GRIK1: variants seen among roughly 807,000 people sequenced by gnomAD.
The protein encoded by GRIK1 is glutamate ionotropic receptor kainate type subunit 1, also known as glutamate receptor ionotropic, kainate 1.
In GRIK1, 69 loss-of-function variants were observed where a neutral mutation model predicts 105.7. That is an observed-to-expected ratio of 0.65 (90% confidence interval 0.54 to 0.80). The LOEUF (loss-of-function observed/expected upper bound fraction) is 0.80. Among genes scored for constraint, GRIK1 ranks in the 30% least tolerant of loss-of-function variants. The probability of loss-of-function intolerance (pLI) is 0.00; values close to 1 mark genes in which losing one functional copy is unlikely to be tolerated. For synonymous variants in GRIK1, 438 were observed against 431.3 expected (o/e 1.02, Z -0.19); for missense variants, 1,109 against 1,167.3 (o/e 0.95, Z 0.73).
intron 5 of GRIK1, among the ~76,000 whole-genome samples, chr21:29,653,044 A>G (rs1051838686): frequency 6.6e-6 from 1 of 152,120 alleles, no homozygotes; most frequent in Admixed American, 6.5e-5. Flanking sequence ...CTAAGTAACT[A>G]TTTTTTTCTT....
intron 6 of GRIK1, among the ~76,000 whole-genome samples, chr21:29,643,911 C>G (rs559846355): frequency 9.1e-6 from 1 of 110,014 alleles, no homozygotes; most frequent in South Asian, 2.4e-4. Context: ...CACACACATG[C>G]ACACACACAC....
intron 7 of GRIK1, among the ~76,000 whole-genome samples, chr21:29,624,470 A>T (rs1375869994): frequency 6.6e-6 from 1 of 152,226 alleles, no homozygotes; most frequent in Admixed American, 6.5e-5. Context: ...TGCCACTTAA[A>T]TTTTAAAGCT....
chr21:29,540,829 G>A (rs749665021), intron 16 of GRIK1, among the ~76,000 whole-genome samples: 17 of 152,080 alleles, frequency 1.1e-4, no homozygotes, highest in Non-Finnish European at 2.4e-4. Context: ...TACTCAAGAC[G>A]TACTGCAAAA....
chr21:29,775,043 G>C (rs1178369652), intron 1 of GRIK1, among the ~76,000 whole-genome samples: 2 of 152,012 alleles, frequency 1.3e-5, no homozygotes, highest in Non-Finnish European at 2.9e-5. Flanking sequence ...ACTCAGCCAG[G>C]CATGGTAGCT....
intron 3 of GRIK1, among the ~76,000 whole-genome samples, chr21:29,683,740 C>T (rs1354892992): frequency 1.3e-5 from 2 of 152,160 alleles, no homozygotes; most frequent in Admixed American, 1.3e-4. Context: ...CATGCAACGA[C>T]CTTCATATGT....
chr21:29,854,385 A>C (rs893062268), intron 1 of GRIK1, among the ~76,000 whole-genome samples: 1 of 152,134 alleles, frequency 6.6e-6, no homozygotes, highest in Admixed American at 6.5e-5. Flanking sequence ...AGACTTCAAC[A>C]TGAGATTTGG....
chr21:29,762,281 A>T (rs1299999388), intron 1 of GRIK1, among the ~76,000 whole-genome samples: 1 of 152,240 alleles, frequency 6.6e-6, no homozygotes, highest in Non-Finnish European at 1.5e-5. Flanking sequence ...GTAAGGTGCC[A>T]TTATGAATAA....
chr21:29,723,043 A>C (rs1379641573), intron 1 of GRIK1, among the ~76,000 whole-genome samples: 1 of 152,186 alleles, frequency 6.6e-6, no homozygotes, highest in Admixed American at 6.5e-5. Flanking sequence ...TGGGTCCAAC[A>C]CAGTAGCTGA....
At chr21:29,874,546 C>T (rs898443988) in intron 1 of GRIK1, among the ~76,000 whole-genome samples, 7 of 152,092 alleles carry the variant, frequency 4.6e-5, no homozygotes, top group East Asian at 1.9e-4. Context: ...TTTGTTCGTC[C>T]GCCGCTCACC....
At chr21:29,716,872 G>A (rs1027026303) in intron 1 of GRIK1, among the ~76,000 whole-genome samples, 6 of 152,232 alleles carry the variant, frequency 3.9e-5, no homozygotes, top group Admixed American at 2.0e-4. Context: ...TGCCTCCAGG[G>A]CATGCCAGAG....
Position 29,689,878 on chromosome 21 carries a change from G to T in GRIK1, c.394C>A (p.Gln132Lys), listed in dbSNP as rs1311161096. 3 of 1,613,804 alleles carry T rather than the reference G, an allele frequency of 1.9e-6. No homozygotes were observed. The highest frequency in any genetic ancestry group is 2.5e-6 in the Non-Finnish European group (3 of 1,179,902). Reference protein sequence around the residue: ...ICNALEVPHIQTRWKHPSVDN... With the variant: ...ICNALEVPHIKTRWKHPSVDN... The stretch of plus-strand genomic sequence containing the variant: ...ACCGAGGGGTGTTTCCAGCGGGTCT[G>T]TATGTGTGGAACTTCGAGAGCATTG... Residue 132 changes from glutamine to lysine, a missense_variant, in exon 3 of 18, where the codon CAG becomes AAG. Coordinates refer to ENST00000327783, the MANE Select transcript of GRIK1 (RefSeq NM_001330994.2).
At chr21:29,909,974 G>A (rs79150626) in intron 1 of GRIK1, among the ~76,000 whole-genome samples, 1 of 152,012 alleles carries the variant, frequency 6.6e-6, no homozygotes, top group African/African-American at 2.4e-5. Context: ...CTGAACCCTC[G>A]TCTGAATATG....
rs912405384 is a variant in GRIK1, at chr21:29,537,307, T to C, written c.2773A>G (p.Thr925Ala). The C allele has an allele frequency of 9.3e-6, 15 of 1,611,036 alleles. No homozygotes were observed. The African/African-American group carries it at 2.0e-4, about 22-fold the overall frequency. Residue 925 changes from threonine to alanine, a missense_variant, in exon 18 of 18, where the codon ACT becomes GCT. Thr to Ala is a moderately conservative substitution (Grantham distance 58). Transcript: ENST00000327783. ...CTTGTGAAGGAAGATTTCCCCTTAG[T>C]TCTTGACTTTTTCTTTATTTTTTTC... is the stretch of plus-strand genomic sequence containing the variant. ...NQKKIKKKSR[T>A]KGKSSFTSIL...
intron 7 of GRIK1, among the ~76,000 whole-genome samples, chr21:29,623,815 A>G (rs1015264793): frequency 1.3e-5 from 2 of 152,244 alleles, no homozygotes; most frequent in African/African-American, 4.8e-5. Flanking sequence ...TTCACTAAGT[A>G]TAAAGTGTGG....
At chr21:29,898,411 G>C (rs1419756961) in intron 1 of GRIK1, among the ~76,000 whole-genome samples, 1 of 152,128 alleles carries the variant, frequency 6.6e-6, no homozygotes, top group East Asian at 1.9e-4. Context: ...AGGTTCTATG[G>C]GCACAGGTCA....
At chr21:29,565,825 C>T (rs566654227) in intron 14 of GRIK1, among the ~76,000 whole-genome samples, 16 of 152,312 alleles carry the variant, frequency 1.1e-4, no homozygotes, top group African/African-American at 3.9e-4. Context: ...CCACCACGTT[C>T]TACTCTCTAG....
chr21:29,759,126 C>CT (rs944218592), intron 1 of GRIK1: 42 of 148,428 alleles, frequency 2.8e-4, no homozygotes, highest in South Asian at 2.1e-3. Flanking sequence ...TTTTTCTTTT[C>CT]TTTTTTTTTT....
At chr21:29,647,334 G>A (rs1209075125) in intron 6 of GRIK1, among the ~76,000 whole-genome samples, 3 of 152,216 alleles carry the variant, frequency 2.0e-5, no homozygotes, top group Admixed American at 2.0e-4. Context: ...AGGTCACTTA[G>A]TTAGGAGACA....
At chr21:29,615,050 G>A (rs2061816737) in intron 7 of GRIK1, among the ~76,000 whole-genome samples, 1 of 151,656 alleles carries the variant, frequency 6.6e-6, no homozygotes, top group African/African-American at 2.4e-5. Flanking sequence ...TGTTGAATGA[G>A]CGATAGAATC....
Sources: allele counts gnomAD v4.1 joint callset (sites outside exome capture counted in the v4.1 genomes callset), GRCh38; gene constraint gnomAD v4.1.1; transcripts MANE v1.5; gene names NCBI Gene and HGNC (gene_info 2026-07-23, HGNC 2026-07-21).